Variants in LMTK2 observed in about 807,000 individuals in gnomAD.
LMTK2 encodes the protein lemur tail kinase 2.
Under a neutral mutation model 127.5 loss-of-function variants are expected in LMTK2, and 37 were observed. The ratio of observed to expected loss-of-function variants is 0.29; its 90% CI spans 0.22 to 0.38. LMTK2 has a LOEUF of 0.38. Ranked by LOEUF, LMTK2 falls within the 10% of genes least tolerant of loss-of-function variation. The pLI, the probability that LMTK2 is intolerant of heterozygous loss-of-function variation, is 1.00. For synonymous variants in LMTK2, 819 were observed against 810.1 expected (o/e 1.01, Z -0.19); for missense variants, 1,694 against 1,920.3 (o/e 0.88, Z 2.20).
intron 1 of LMTK2, among the ~76,000 whole-genome samples, chr7:98,113,421 T>C (rs531244408): frequency 8.3e-4 from 126 of 152,230 alleles, no homozygotes; most frequent in African/African-American, 2.7e-3. Context: ...CGATTCTTTA[T>C]AGCACTGTAA....
At chr7:98,187,786 G>T (rs962259666) in intron 9 of LMTK2, among the ~76,000 whole-genome samples, 3 of 151,936 alleles carry the variant, frequency 2.0e-5, no homozygotes, top group Admixed American at 2.0e-4. Context: ...TGTACTTTTA[G>T]TAGAGATGGA....
rs1052314819 is a variant in LMTK2, at chr7:98,116,388, G to C, written c.103+9108G>C. On this transcript the variant is annotated intron_variant, in intron 1 of 13. Transcript: ENST00000297293. The stretch of plus-strand genomic sequence containing the variant: ...TCTCCAAACCAGTACCTCAGTGTGT[G>C]TCTGTGTGTGTGTGTGTGCATGTGC... 3.0e-5 allele frequency among the ~76,000 whole-genome samples: 4 copies of C among 134,684 alleles called. No individual in the cohort carries two copies. In the East Asian group the frequency reaches 1.1e-3, roughly 38 times the overall value. 88.4% of individuals were successfully genotyped at this position (134,684 alleles called of 152,430 possible).
At chr7:98,134,750 A>T (rs1467823245) in intron 1 of LMTK2, among the ~76,000 whole-genome samples, 1 of 152,122 alleles carries the variant, frequency 6.6e-6, no homozygotes, top group Non-Finnish European at 1.5e-5. Context: ...AAGAGAAGAA[A>T]ATCATCCTTC....
In LMTK2 at chr7:98,169,565, C is replaced by T. The variant is rs1042053225; in HGVS notation, c.658-1976C>T. Among the ~76,000 whole-genome samples the T allele has an allele frequency of 4.6e-5, 7 of 152,138 alleles. No individual in the cohort carries two copies. The East Asian group carries it at 7.7e-4, about 17-fold the overall frequency. On this transcript the variant is annotated intron_variant, in intron 6 of 13. Transcript: ENST00000297293. ...TTTTTCCTTAGATGGGTATTGGTGG[C>T]GGAGGGGTTAGGCAGAAGAATTTCA...
At chr7:98,141,589 A>C in intron 3 of LMTK2, 48 bp downstream of exon 3, 1 of 1,560,670 alleles carries the variant, frequency 6.4e-7, no homozygotes, top group Non-Finnish European at 8.8e-7. Context: ...TGTTTCTGAG[A>C]TCTGAGAATG....
Position 98,194,654 on chromosome 7 carries a change from T to C in LMTK2, c.4107+82T>C. 7.7e-7 allele frequency: 1 copy of C among 1,297,140 alleles called. No homozygotes were observed. The highest frequency in any genetic ancestry group is 1.0e-6 in the Non-Finnish European group (1 of 962,290). 80.4% of individuals were successfully genotyped at this position (1,297,140 alleles called of 1,614,324 possible). On this transcript the variant is annotated intron_variant, in intron 11 of 13. Coordinates refer to ENST00000297293, the MANE Select transcript of LMTK2 (RefSeq NM_014916.4). The surrounding 1 kb of genome is among the most constrained non-coding windows in gnomAD (Gnocchi z 5.4). ...TGCTAGGAAATTGAGTGTGGTCTGT[T>C]TTCTAGTTGCCATTTTGAGGCAGCA...
Position 98,193,646 on chromosome 7 carries a change from G to A in LMTK2, c.3181G>A (p.Asp1061Asn), listed in dbSNP as rs3801295. Reference protein sequence around the residue: ...TADSEPATTGDGGHSGLPPNP... With the variant: ...TADSEPATTGNGGHSGLPPNP... ...AGACTCAGAACCAGCCACCACGGGCGATGGCGGCCACAGCGGTCTGCCTCC... is the reference window on the plus strand; with the variant it reads ...AGACTCAGAACCAGCCACCACGGGCAATGGCGGCCACAGCGGTCTGCCTCC... Residue 1061 changes from aspartate (D) to asparagine (N), a missense_variant, in exon 11 of 14, where the codon GAT (aspartate) becomes AAT (asparagine). This residue lies in a region of LMTK2 where 65 missense variants were observed against 116.5 expected (regional missense o/e 0.56). Transcript: ENST00000297293. This position sits in a 1 kb window ranked among gnomAD's most constrained non-coding sequence, Gnocchi z 4.1. 1,151 of 1,613,922 alleles carry A rather than the reference G, an allele frequency of 7.1e-4. 15 individuals are homozygous for A. In the East Asian group the frequency reaches 0.02, roughly 28 times the overall value.
chr7:98,189,849 G>C (rs921190562), intron 9 of LMTK2, among the ~76,000 whole-genome samples: 3 of 152,146 alleles, frequency 2.0e-5, no homozygotes, highest in Admixed American at 6.5e-5. Context: ...AGCGTGATGG[G>C]GGATCCCTTC....
intron 3 of LMTK2, among the ~76,000 whole-genome samples, chr7:98,148,814 T>G (rs1371877533): frequency 6.6e-6 from 1 of 152,210 alleles, no homozygotes; most frequent in East Asian, 1.9e-4. Flanking sequence ...CTTCACTTCC[T>G]TCTTGTGTTG....
At chr7:98,115,072 G>C (rs781067147) in intron 1 of LMTK2, among the ~76,000 whole-genome samples, 21 of 152,080 alleles carry the variant, frequency 1.4e-4, no homozygotes, top group Non-Finnish European at 2.9e-4. Flanking sequence ...AGAATGTGTG[G>C]TACACTAACA....
intron 11 of LMTK2, 55 bp from the exon 12 acceptor site, chr7:98,203,519 G>T: frequency 6.5e-7 from 1 of 1,543,138 alleles, no homozygotes. Flanking sequence ...GCGGTCACAC[G>T]GGGGGTTCCC....
At chr7:98,177,879 G>A (rs180910247) in intron 7 of LMTK2, among the ~76,000 whole-genome samples, 25 of 152,248 alleles carry the variant, frequency 1.6e-4, no homozygotes, top group African/African-American at 5.3e-4. Context: ...GTGCTTTATC[G>A]GAATCCTCTT....
rs562187963 is a variant in LMTK2 at position 98,205,505 on chromosome 7, G to A, written c.*13G>A. 1.9e-6 allele frequency: 3 copies of A among 1,612,256 alleles called. No homozygotes were observed. Among genetic ancestry groups the A allele is most frequent in the South Asian group, 1.1e-5 (1 of 91,078 alleles). On this transcript the variant is annotated 3_prime_UTR_variant, in exon 14 of 14. Transcript: ENST00000297293. ...AGAAAAGGACTAGGTGGCTGCCAAC[G>A]CGCACGCTCGGGTCCGAGGCTGCTC...
chr7:98,116,413 CGTGTGT>C (rs1796285495), intron 1 of LMTK2, among the ~76,000 whole-genome samples: 2 of 149,652 alleles, frequency 1.3e-5, no homozygotes, highest in African/African-American at 4.9e-5. Context: ...TGTGCATGTG[CGTGTGT>C]TTGTGCGTGT....
Position 98,166,008 on chromosome 7 carries a change from C to T in LMTK2, c.658-5533C>T, listed in dbSNP as rs1249836893. The stretch of plus-strand genomic sequence containing the variant: ...TCCCTGCGTCTGCCCTGTTCCAGTG[C>T]CCGGCCCTGTGCTGGGGCCCTGCCA... On this transcript the variant is annotated intron_variant, in intron 6 of 13. Coordinates refer to ENST00000297293, the MANE Select transcript of LMTK2 (RefSeq NM_014916.4). 7.9e-5 allele frequency among the ~76,000 whole-genome samples: 12 copies of T among 152,350 alleles called. No individual in the cohort carries two copies. The South Asian group carries it at 2.3e-3, about 29-fold the overall frequency.
intron 11 of LMTK2, among the ~76,000 whole-genome samples, chr7:98,195,474 TA>T (rs61553013): frequency 0.07 from 10,086 of 143,218 alleles, 629 homozygotes; most frequent in African/African-American, 0.17. Context: ...AAGCATGCTT[TA>T]AAAAAAAAAA....
At chr7:98,152,292 C>A (rs527398628) in intron 4 of LMTK2, among the ~76,000 whole-genome samples, 1 of 152,156 alleles carries the variant, frequency 6.6e-6, no homozygotes, top group Non-Finnish European at 1.5e-5. Context: ...GTACTGCAGT[C>A]GTGCTCTGCA....
At chr7:98,109,150 CG>C (rs1796161868) in intron 1 of LMTK2, among the ~76,000 whole-genome samples, 1 of 152,096 alleles carries the variant, frequency 6.6e-6, no homozygotes, top group Non-Finnish European at 1.5e-5. Context: ...TGAGCCACCG[CG>C]CCTGGCCACC....
intron 1 of LMTK2, among the ~76,000 whole-genome samples, chr7:98,132,437 G>A (rs755248221): frequency 6.6e-6 from 1 of 152,158 alleles, no homozygotes; most frequent in Non-Finnish European, 1.5e-5. Context: ...TTTTAGTAGA[G>A]ACGGGATTTC....
Sources: gnomAD v4.1 joint callset for allele counts (sites outside exome capture counted in the v4.1 genomes callset) on GRCh38, gnomAD v4.1.1 for gene constraint, gnomAD v4.1.1 regional missense constraint, Gnocchi (gnomAD v3.1) non-coding constraint, MANE v1.5 for transcripts, NCBI Gene and HGNC (gene_info 2026-07-23, HGNC 2026-07-21) for gene names.